Variants in OSBPL5 observed in about 807,000 individuals in gnomAD.
OSBPL5 encodes oxysterol-binding protein-related protein 5.
OSBPL5 carries 71 observed loss-of-function variants against 111.2 expected under a neutral mutation model. The ratio of observed to expected loss-of-function variants is 0.64; its 90% confidence interval spans 0.53 to 0.78. OSBPL5 has a LOEUF of 0.78. OSBPL5 is among the 30% of genes least tolerant of loss of function. OSBPL5 has a pLI of 0.00. For missense variants in OSBPL5, 1,210 were observed against 1,189.3 expected, an observed-to-expected ratio of 1.02 and a Z score of -0.26; for synonymous variants, 549 against 513.9, an observed-to-expected ratio of 1.07 and a Z score of -0.93.
At position 3,106,453 on chromosome 11, in the gene OSBPL5, C is replaced by T. The variant is rs1339277105; in HGVS notation, c.1059+810G>A. Among the ~76,000 whole-genome samples the T allele has an allele frequency of 3.9e-5, 6 of 152,076 alleles. No homozygotes were observed. The highest frequency in any genetic ancestry group is 2.1e-4 in the South Asian group (1 of 4,814). On this transcript the variant is annotated intron_variant, in intron 9 of 21. Transcript: ENST00000263650. This position sits in a 1 kb window ranked among gnomAD's most constrained non-coding sequence, Gnocchi z 8.4. Reference sequence around the variant, plus strand: ...GAGCCCGGCTTCCTCAGCCTGCACCCGTCACCCAGCGGAAGCTTAGATCCT... The same window carrying T: ...GAGCCCGGCTTCCTCAGCCTGCACCTGTCACCCAGCGGAAGCTTAGATCCT...
rs373350122 is a variant in OSBPL5 at position 3,164,981 on chromosome 11, GC to G, written c.-22+234del. 7.1e-3 allele frequency among the ~76,000 whole-genome samples: 1,064 copies of G among 150,384 alleles called. 12 individuals are homozygous for G. Among genetic ancestry groups the G allele is most frequent in the African/African-American group, 0.024 (968 of 40,768 alleles). On this transcript the variant is annotated intron_variant, in intron 1 of 21. Transcript: ENST00000263650. The stretch of plus-strand genomic sequence containing the variant: ...GCGCCGACCCGTCCTGGCCCGGGGC[GC>G]CCCCAGGCTCCCGCGCTCCCCAGCT...
chr11:3,103,802 AGCCCTCTTCCTGCCTGCGCAG>A (rs1857573479), intron 10 of OSBPL5, among the ~76,000 whole-genome samples: 2 of 40,710 alleles, frequency 4.9e-5, no homozygotes, highest in Non-Finnish European at 1.3e-4. Context: ...CTGCCTCTGC[AGCCCTCTTCCTGCCTGCGCAG>A]CCCCCTTCCA....
intron 1 of OSBPL5, among the ~76,000 whole-genome samples, chr11:3,143,867 C>T (rs1480302813): frequency 1.3e-5 from 2 of 152,184 alleles, no homozygotes; most frequent in Non-Finnish European, 2.9e-5. Context: ...CTGAGCAGGG[C>T]CCGAGGAAGG....
chr11:3,113,919 C>T lies in OSBPL5; in HGVS notation c.691+5628G>A, dbSNP rs182419669. Among the ~76,000 whole-genome samples the T allele has an allele frequency of 1.7e-4, 26 of 152,258 alleles. No homozygotes were observed. Among genetic ancestry groups the T allele is most frequent in the African/African-American group, 6.0e-4 (25 of 41,574 alleles). On this transcript the variant is annotated intron_variant, in intron 7 of 21. Coordinates refer to ENST00000263650, the MANE Select transcript of OSBPL5 (RefSeq NM_020896.4). The surrounding 1 kb of genome is among the most constrained non-coding windows in gnomAD (Gnocchi z 4.8). ...AGTCAGTTAGGTCAAATCTCTTTCA[C>T]TGTCTCAGTTATAATTTTGCAATGG...
chr11:3,126,334 A>G lies in OSBPL5; in HGVS notation c.219+139T>C, dbSNP rs1858623307. 2.9e-6 allele frequency: 2 copies of G among 701,410 alleles called. No homozygotes were observed. The highest frequency in any genetic ancestry group is 3.6e-5 in the African/African-American group (2 of 54,978). The allele number at this position is 701,410 out of a possible 1,614,324, so 43.4% of individuals were successfully genotyped here. ...CAGCCCTCCCGGAGCAGCACAGTCT[A>G]GGATTGGGAGCTGTTTCCCCCGAAC... On this transcript the variant is annotated intron_variant, in intron 3 of 21. Transcript: ENST00000263650. The surrounding 1 kb of genome is among the most constrained non-coding windows in gnomAD (Gnocchi z 6.5).
intron 1 of OSBPL5, among the ~76,000 whole-genome samples, chr11:3,137,477 G>A (rs1845981814): frequency 6.6e-6 from 1 of 152,192 alleles, no homozygotes; most frequent in African/African-American, 2.4e-5. Flanking sequence ...CAAGGTGCGG[G>A]GAGCAGGGGA....
intron 1 of OSBPL5, among the ~76,000 whole-genome samples, chr11:3,149,968 T>C (rs1306639557): frequency 6.6e-6 from 1 of 152,174 alleles, no homozygotes; most frequent in East Asian, 1.9e-4. Context: ...ACCACATGCA[T>C]GGCACACACA....
Position 3,092,840 on chromosome 11 carries a change from G to A in OSBPL5, c.2132+27C>T, listed in dbSNP as rs1428360867. The A allele has an allele frequency of 5.3e-6, 8 of 1,504,302 alleles. No individual in the cohort carries two copies. In the African/African-American group the frequency reaches 8.3e-5, roughly 16 times the overall value. 93.2% of individuals were successfully genotyped at this position (1,504,302 alleles called of 1,614,324 possible). ...TCTGCTAGGCCCAGCCCCACCCTGT[G>A]GCCCCCAGGGCTTTGTCGGCACTCA... is the stretch of plus-strand genomic sequence containing the variant. On this transcript the variant is annotated intron_variant, in intron 18 of 21. Transcript: ENST00000263650. This position sits in a 1 kb window ranked among gnomAD's most constrained non-coding sequence, Gnocchi z 5.4.
chr11:3,091,553 G>C (rs969605224), intron 19 of OSBPL5, among the ~76,000 whole-genome samples: 3 of 152,116 alleles, frequency 2.0e-5, no homozygotes, highest in Non-Finnish European at 2.9e-5. Flanking sequence ...AGATTGGTGG[G>C]GAGAGGCTGA....
rs138085766 is a variant in OSBPL5 at position 3,153,432 on chromosome 11, C to T, written c.-22+11784G>A. 6.7e-4 allele frequency among the ~76,000 whole-genome samples: 102 copies of T among 151,916 alleles called. 1 individual carries two copies. Among genetic ancestry groups the T allele is most frequent in the African/African-American group, 2.4e-3 (101 of 41,306 alleles). On this transcript the variant is annotated intron_variant, in intron 1 of 21. Transcript: ENST00000263650. ...GGCAAATGTGTTTAAAGATCTGAGC[C>T]TCCATGGGAATAAGCTGCTCTTGTG...
In OSBPL5 at chr11:3,103,737, CCT is replaced by C. The variant is rs1564829719; in HGVS notation, c.1245-419_1245-418del. On this transcript the variant is annotated intron_variant, in intron 10 of 21. Coordinates refer to ENST00000263650, the MANE Select transcript of OSBPL5 (RefSeq NM_020896.4). ...TTCCAGGCTCTGCTGCCCCTTCCTGCCTCTGCAACCCTCTTCCAGCTCTGCAG... is the reference window on the plus strand; with the variant it reads ...TTCCAGGCTCTGCTGCCCCTTCCTGCCTGCAACCCTCTTCCAGCTCTGCAG... Among the ~76,000 whole-genome samples the C allele has an allele frequency of 9.7e-4, 75 of 76,966 alleles. 2 individuals carry two copies. Among genetic ancestry groups the C allele is most frequent in the African/African-American group, 2.5e-3 (65 of 26,078 alleles). 50.5% of individuals were successfully genotyped at this position (76,966 alleles called of 152,430 possible). A position where few individuals can be genotyped will look rare whatever the true frequency, so the allele number is the denominator to read the frequency against.
rs1408455951 is a variant in OSBPL5 at position 3,146,842 on chromosome 11, T to A, written c.-21-17673A>T. On this transcript the variant is annotated intron_variant, in intron 1 of 21. Transcript: ENST00000263650. This position sits in a 1 kb window ranked among gnomAD's most constrained non-coding sequence, Gnocchi z 7.8. ...CCTGGCAGCCAGATCCCCTTCGCCG[T>A]GGCTGGAGCTGGCGTTTCTATTTAT... 6.6e-6 allele frequency among the ~76,000 whole-genome samples: 1 copy of A among 152,160 alleles called. No homozygotes were observed. Among genetic ancestry groups the A allele is most frequent in the African/African-American group, 2.4e-5 (1 of 41,438 alleles).
intron 1 of OSBPL5, among the ~76,000 whole-genome samples, chr11:3,131,924 C>T (rs1165971275): frequency 1.4e-5 from 1 of 73,328 alleles, no homozygotes; most frequent in Non-Finnish European, 2.6e-5. Context: ...CATCCATCCT[C>T]CTGTCCATCC....
At chr11:3,090,769 A>T in intron 19 of OSBPL5, 73 bp from the exon 20 acceptor site, 1 of 1,513,492 alleles carries the variant, frequency 6.6e-7, no homozygotes, top group East Asian at 2.4e-5. Context: ...ACATGGTGGC[A>T]TGCTTATGCC....
At position 3,129,162 on chromosome 11, in the gene OSBPL5, G is replaced by C. The variant is rs765126791; in HGVS notation, c.-14C>G. The C allele has an allele frequency of 1.4e-6, 2 of 1,399,970 alleles. No homozygotes were observed. The highest frequency in any genetic ancestry group is 1.6e-5 in the South Asian group (1 of 63,122). 86.7% of individuals were successfully genotyped at this position (1,399,970 alleles called of 1,614,324 possible). On this transcript the variant is annotated 5_prime_UTR_variant, in exon 2 of 22. Transcript: ENST00000263650. ...CTCCTCCTTCATGCTGTGGGCGCTC[G>C]GGGGCTTCTGGAAGGAAGGAAGGAG...
chr11:3,090,759 A>G, intron 19 of OSBPL5, 63 bp from the exon 20 acceptor site: 1 of 1,529,102 alleles, frequency 6.5e-7, no homozygotes, highest in Non-Finnish European at 8.8e-7. Context: ...GGCCCCAGGG[A>G]CATGGTGGCA....
chr11:3,147,072 T>C (rs908968263), intron 1 of OSBPL5, among the ~76,000 whole-genome samples: 1 of 145,934 alleles, frequency 6.9e-6, no homozygotes, highest in Non-Finnish European at 1.5e-5. Context: ...CACCCTCACG[T>C]CCTGGGCTTC....
intron 10 of OSBPL5, among the ~76,000 whole-genome samples, chr11:3,103,854 G>GCCTGCGTACCCGCTTCCAGGC (rs879566277): frequency 9.7e-6 from 1 of 103,412 alleles, no homozygotes; most frequent in African/African-American, 3.9e-5. Context: ...CCCCTTTCCA[G>GCCTGCGTACCCGCTTCCAGGC]TCTGCGCAGC....
At chr11:3,091,371 GCAGGTGGGGTCAGAGCCAGGA>G (rs1321761939) in intron 19 of OSBPL5, among the ~76,000 whole-genome samples, 3 of 152,182 alleles carry the variant, frequency 2.0e-5, no homozygotes, top group Non-Finnish European at 4.4e-5. Context: ...CAGCGACGGG[GCAGGTGGGGTCAGAGCCAGGA>G]CAGGTGGGGT....
Sources: allele counts gnomAD v4.1 joint callset (sites outside exome capture counted in the v4.1 genomes callset), GRCh38; gene constraint gnomAD v4.1.1; non-coding constraint Gnocchi (gnomAD v3.1); transcripts MANE v1.5; gene names NCBI Gene and HGNC (gene_info 2026-07-23, HGNC 2026-07-21).